Variants in RFTN2 observed in about 807,000 individuals in gnomAD.
The protein encoded by RFTN2 is raftlin family member 2.
In RFTN2, 34 loss-of-function variants were observed where a neutral mutation model predicts 52.7. That is an observed-to-expected ratio of 0.64 (90% CI 0.49 to 0.86). RFTN2 has a LOEUF of 0.86. RFTN2 is among the 40% of genes least tolerant of loss of function. The probability of loss-of-function intolerance (pLI) is 0.00; values close to 1 mark genes in which losing one functional copy is unlikely to be tolerated. For synonymous variants in RFTN2, 203 were observed against 217.7 expected (o/e 0.93, Z 0.59); for missense variants, 536 against 600.1 (o/e 0.89, Z 1.12).
intron 2 of RFTN2, among the ~76,000 whole-genome samples, chr2:197,644,674 G>A (rs1002653822): frequency 2.0e-5 from 3 of 151,188 alleles, no homozygotes; most frequent in Non-Finnish European, 4.4e-5. Context: ...CTTATTCTTC[G>A]GCTTGCCAGG....
At chr2:197,660,124 A>C (rs755816211) in intron 1 of RFTN2, among the ~76,000 whole-genome samples, 35 of 152,252 alleles carry the variant, frequency 2.3e-4, no homozygotes, top group Admixed American at 9.8e-4. Flanking sequence ...AGACAGAGTG[A>C]GTCCAGAGCC....
intron 7 of RFTN2, among the ~76,000 whole-genome samples, chr2:197,599,152 C>G (rs1396510436): frequency 6.6e-6 from 1 of 151,998 alleles, no homozygotes; most frequent in Non-Finnish European, 1.5e-5. Flanking sequence ...AGGGTTTCAC[C>G]GTGGACTCGA....
At chr2:197,636,493 T>C (rs1669470890) in intron 3 of RFTN2, among the ~76,000 whole-genome samples, 1 of 102,500 alleles carries the variant, frequency 9.8e-6, no homozygotes, top group African/African-American at 4.0e-5. Flanking sequence ...TTTATTCTCT[T>C]TGAAGCAATT....
At position 197,633,885 on chromosome 2, in the gene RFTN2, A is replaced by C. The variant is rs757168370; in HGVS notation, c.551T>G (p.Leu184Arg). 1 of 1,613,956 alleles carries C rather than the reference A, an allele frequency of 6.2e-7. No individual in the cohort carries two copies. The highest frequency in any genetic ancestry group is 1.1e-5 in the South Asian group (1 of 91,074). ...TTCATCTGAACCGTGTCTCACATGTAGCATCGATTCTATATCTCCATCATG... is the reference window on the plus strand; with the variant it reads ...TTCATCTGAACCGTGTCTCACATGTCGCATCGATTCTATATCTCCATCATG... ...TNHDGDIESM[L>R]HVRHGSDENC... Residue 184 changes from leucine (L) to arginine (R), a missense_variant, in exon 4 of 9, where the codon CTA becomes CGA. Physicochemically the swap from Leu to Arg is moderately radical, Grantham distance 102. Coordinates refer to ENST00000295049, the MANE Select transcript of RFTN2 (RefSeq NM_144629.3).
intron 1 of RFTN2, among the ~76,000 whole-genome samples, chr2:197,664,866 T>G (rs1305939878): frequency 1.3e-5 from 2 of 152,230 alleles, no homozygotes. Flanking sequence ...AATAAGAATG[T>G]GTACTCTGAA....
intron 8 of RFTN2, among the ~76,000 whole-genome samples, chr2:197,591,899 G>C (rs1219395075): frequency 6.6e-6 from 1 of 151,636 alleles, no homozygotes; most frequent in Non-Finnish European, 1.5e-5. Flanking sequence ...ACTGTGCGCA[G>C]AACTGGTTCC....
chr2:197,588,901 T>A (rs1370961292), intron 8 of RFTN2, among the ~76,000 whole-genome samples: 2 of 152,192 alleles, frequency 1.3e-5, no homozygotes, highest in Non-Finnish European at 2.9e-5. Flanking sequence ...GCTCTCATCA[T>A]AGTGAATAAA....
intron 3 of RFTN2, among the ~76,000 whole-genome samples, chr2:197,643,108 T>G (rs909005029): frequency 1.3e-5 from 2 of 152,196 alleles, no homozygotes; most frequent in African/African-American, 4.8e-5. Context: ...TTATTAGAGA[T>G]AGAGTCTTGC....
At position 197,611,206 on chromosome 2, in the gene RFTN2, C is replaced by G. The variant is rs149349766; in HGVS notation, c.1154+4670G>C. On this transcript the variant is annotated intron_variant, in intron 7 of 8. Transcript: ENST00000295049. ...GGAATGGTACCAGCTCCTCTTTGTA[C>G]CTCTGGTAGAATTTGGCTGTGAATC... Among the ~76,000 whole-genome samples the G allele has an allele frequency of 4.9e-3, 752 of 152,196 alleles. 8 individuals are homozygous for G. Among genetic ancestry groups the G allele is most frequent in the African/African-American group, 0.017 (725 of 41,504 alleles).
chr2:197,654,975 C>A (rs1359493004), intron 1 of RFTN2, among the ~76,000 whole-genome samples: 1 of 151,902 alleles, frequency 6.6e-6, no homozygotes, highest in Non-Finnish European at 1.5e-5. Context: ...CCAGCCTGGC[C>A]ACAGAGCAAG....
chr2:197,586,711 G>T (rs1376798668), intron 8 of RFTN2, among the ~76,000 whole-genome samples: 3 of 152,012 alleles, frequency 2.0e-5, no homozygotes, highest in African/African-American at 7.2e-5. Flanking sequence ...ATGACCTTTC[G>T]TAGCCTCTCT....
In RFTN2 at chr2:197,624,124, T is replaced by C. The variant is rs1214271053; in HGVS notation, c.929-6203A>G. Among the ~76,000 whole-genome samples the C allele has an allele frequency of 8.5e-5, 13 of 152,142 alleles. 1 individual carries two copies. In the South Asian group the frequency reaches 2.7e-3, roughly 32 times the overall value. ...TAGAAAATGGTTTCTTAAAATGGAATCTACTCCTGGTGAAGATGCTGTGAA... is the reference window on the plus strand; with the variant it reads ...TAGAAAATGGTTTCTTAAAATGGAACCTACTCCTGGTGAAGATGCTGTGAA... On this transcript the variant is annotated intron_variant, in intron 5 of 8. Transcript: ENST00000295049.
chr2:197,648,733 C>G (rs895546071), intron 1 of RFTN2, among the ~76,000 whole-genome samples: 1 of 152,186 alleles, frequency 6.6e-6, no homozygotes, highest in Admixed American at 6.5e-5. Flanking sequence ...AGCCTCCACG[C>G]GTGTTAGTCT....
At chr2:197,603,232 T>C (rs899144713) in intron 7 of RFTN2, among the ~76,000 whole-genome samples, 2 of 152,152 alleles carry the variant, frequency 1.3e-5, no homozygotes, top group East Asian at 1.9e-4. Flanking sequence ...TCTCATATTT[T>C]AAAATAATTC....
chr2:197,622,290 C>T (rs1242106192), intron 5 of RFTN2, among the ~76,000 whole-genome samples: 1 of 152,102 alleles, frequency 6.6e-6, no homozygotes, highest in Non-Finnish European at 1.5e-5. Flanking sequence ...CACAAAACTA[C>T]AGATTTTTAT....
chr2:197,626,562 C>CAAATAAAT (rs138860159), intron 5 of RFTN2, among the ~76,000 whole-genome samples: 74,538 of 123,592 alleles, frequency 0.6, 23,054 homozygotes, highest in Middle Eastern at 0.8. Flanking sequence ...ACCCCATCTA[C>CAAATAAAT]AAATAAATAA....
chr2:197,620,058 A>G (rs1182623873), intron 5 of RFTN2, among the ~76,000 whole-genome samples: 1 of 152,064 alleles, frequency 6.6e-6, no homozygotes, highest in Non-Finnish European at 1.5e-5. Flanking sequence ...CATGTTAATT[A>G]TAACCATTAA....
rs1278548095 is a variant in RFTN2 at position 197,568,283 on chromosome 2, A to G, written c.*3725T>C. On this transcript the variant is annotated 3_prime_UTR_variant, in exon 9 of 9. Coordinates refer to ENST00000295049, the MANE Select transcript of RFTN2 (RefSeq NM_144629.3). The stretch of plus-strand genomic sequence containing the variant: ...TGATTTAATTACTTGGTATTTTTAC[A>G]TACAAAAATTTGAATGCTCAAAACA... The G allele has an allele frequency of 6.6e-6, 1 of 152,248 alleles. No individual in the cohort carries two copies. Among genetic ancestry groups the G allele is most frequent in the African/African-American group, 2.4e-5 (1 of 41,474 alleles). 9.4% of individuals were successfully genotyped at this position (152,248 alleles called of 1,614,324 possible). A position where few individuals can be genotyped will look rare whatever the true frequency, so the allele number is the denominator to read the frequency against.
intron 7 of RFTN2, among the ~76,000 whole-genome samples, chr2:197,607,933 A>G (rs2087988599): frequency 6.6e-6 from 1 of 152,264 alleles, no homozygotes; most frequent in Non-Finnish European, 1.5e-5. Context: ...AAAATTGATT[A>G]TTTTAAGAAT....
Sources: allele counts gnomAD v4.1 joint callset (sites outside exome capture counted in the v4.1 genomes callset), GRCh38; gene constraint gnomAD v4.1.1; transcripts MANE v1.5; gene names NCBI Gene and HGNC (gene_info 2026-07-23, HGNC 2026-07-21).